The following DMD variants were observed in gnomAD, a reference collection of about 807,000 sequenced individuals.
DMD encodes the protein mutant dystrophin.
DMD carries 63 observed loss-of-function variants against 330.1 expected under a neutral mutation model. The observed-to-expected ratio is 0.19, with a 90% confidence interval of 0.16 to 0.24. The LOEUF (loss-of-function observed/expected upper bound fraction) is 0.24. DMD is among the 10% of genes least tolerant of loss of function. DMD has a pLI of 1.00. For synonymous variants in DMD, 1,223 were observed against 959.8 expected, an observed-to-expected ratio of 1.27 and a Z score of -5.07; for missense variants, 3,344 against 2,684.1, an observed-to-expected ratio of 1.25 and a Z score of -5.43.
At chrX:32,163,935 G>A (rs188639777) in intron 44 of DMD, among the ~76,000 whole-genome samples, 21 of 111,115 alleles carry the variant, frequency 1.9e-4, no homozygotes, top group African/African-American at 5.6e-4. Context: ...GCATATACAC[G>A]GCATTCCTCA....
chrX:31,861,736 T>TACACACACACACACACACAC (rs753295784), intron 48 of DMD, among the ~76,000 whole-genome samples: 3 of 76,879 alleles, frequency 3.9e-5, no homozygotes, highest in African/African-American at 1.5e-4. Context: ...AAGAGTGCTA[T>TACACACACACACACACACAC]ACACACACAC....
At chrX:32,529,889 A>G (rs1037846067) in intron 17 of DMD, among the ~76,000 whole-genome samples, 4 of 111,659 alleles carry the variant, frequency 3.6e-5, no homozygotes, top group African/African-American at 1.3e-4. Flanking sequence ...TAACATTCCT[A>G]TCAAAAATCT....
At chrX:31,798,956 C>T (rs1158960644) in intron 50 of DMD, among the ~76,000 whole-genome samples, 5 of 111,457 alleles carry the variant, frequency 4.5e-5, no homozygotes, top group Non-Finnish European at 7.5e-5. Context: ...TTTATTTCAT[C>T]TTTATTTCCA....
intron 21 of DMD, among the ~76,000 whole-genome samples, chrX:32,481,270 T>A (rs1468972769): frequency 6.3e-5 from 7 of 111,412 alleles, no homozygotes; most frequent in African/African-American, 2.3e-4. Flanking sequence ...GTTGAAATGA[T>A]TTTTCTTTAT....
intron 1 of DMD, among the ~76,000 whole-genome samples, chrX:33,088,809 A>C (rs1026918114): frequency 1.8e-5 from 2 of 112,277 alleles, no homozygotes; most frequent in African/African-American, 6.5e-5. Context: ...TTTTCAAAGA[A>C]ATATTTTGCT....
At chrX:32,811,285 G>A (rs995656419) in intron 6 of DMD, among the ~76,000 whole-genome samples, 2 of 110,265 alleles carry the variant, frequency 1.8e-5, no homozygotes, top group Admixed American at 1.9e-4. Context: ...GCTATAGTGA[G>A]CCATGATTGT....
At chrX:31,536,368 G>A (rs911457875) in intron 55 of DMD, among the ~76,000 whole-genome samples, 110 of 111,554 alleles carry the variant, frequency 9.9e-4, no homozygotes, top group African/African-American at 3.3e-3. Flanking sequence ...TGTTTAAACT[G>A]GGGAGGTGAG....
At chrX:33,131,738 C>G (rs2095500773) in intron 1 of DMD, among the ~76,000 whole-genome samples, 1 of 112,112 alleles carries the variant, frequency 8.9e-6, no homozygotes, top group Admixed American at 9.5e-5. Flanking sequence ...CTCACACCAC[C>G]ACATCCCCAG....
intron 51 of DMD, among the ~76,000 whole-genome samples, chrX:31,738,891 T>C (rs752873143): frequency 1.6e-4 from 18 of 111,915 alleles, no homozygotes; most frequent in African/African-American, 5.8e-4. Context: ...ATTGAACTCA[T>C]GGACATAGAG....
chrX:32,958,045 A>G (rs919987372), intron 2 of DMD, among the ~76,000 whole-genome samples: 23 of 112,060 alleles, frequency 2.1e-4, no homozygotes, highest in African/African-American at 6.8e-4. Flanking sequence ...TGGAACCATT[A>G]TATGTATATA....
At chrX:31,860,750 T>C (rs1451097700) in intron 48 of DMD, among the ~76,000 whole-genome samples, 1 of 112,639 alleles carries the variant, frequency 8.9e-6, no homozygotes, top group Non-Finnish European at 1.9e-5. Flanking sequence ...TAATGTATTT[T>C]GAAAGAATGG....
intron 44 of DMD, among the ~76,000 whole-genome samples, chrX:32,188,728 T>C (rs1476721679): frequency 9.1e-6 from 1 of 109,634 alleles, no homozygotes; most frequent in East Asian, 2.8e-4. Context: ...GTTTCCAATT[T>C]ATACACACAC....
intron 41 of DMD, among the ~76,000 whole-genome samples, chrX:32,312,416 T>C (rs773601526): frequency 7.2e-5 from 8 of 111,351 alleles, no homozygotes; most frequent in African/African-American, 2.6e-4. Context: ...TAAATTCATA[T>C]TGGTGCTTAA....
At chrX:32,385,879 A>T (rs2097954465) in intron 33 of DMD, among the ~76,000 whole-genome samples, 1 of 110,462 alleles carries the variant, frequency 9.1e-6, no homozygotes, top group South Asian at 3.8e-4. Context: ...TATGTTAACA[A>T]CATTAGACCT....
chrX:31,936,397 T>A (rs761913431), intron 45 of DMD, among the ~76,000 whole-genome samples: 22 of 111,819 alleles, frequency 2.0e-4, no homozygotes, highest in Non-Finnish European at 4.1e-4. Context: ...TTGAGCATTA[T>A]AATTGATATA....
chrX:31,350,673 C>T (rs1167525866), intron 60 of DMD, among the ~76,000 whole-genome samples: 1 of 103,509 alleles, frequency 9.7e-6, no homozygotes. Context: ...AGAAGAGAAG[C>T]GATGCGGAAC....
At chrX:32,673,412 A>C (rs2061756672) in intron 9 of DMD, among the ~76,000 whole-genome samples, 1 of 111,534 alleles carries the variant, frequency 9.0e-6, no homozygotes, top group Non-Finnish European at 1.9e-5. Context: ...ACCTCATGCT[A>C]ATGGTTACTT....
intron 7 of DMD, among the ~76,000 whole-genome samples, chrX:32,759,589 G>T (rs938506588): frequency 9.0e-6 from 1 of 111,147 alleles, no homozygotes; most frequent in African/African-American, 3.3e-5. Context: ...TGGCAATAAG[G>T]CTATCATATC....
rs768408578 is a variant in DMD, at chrX:32,556,016, C to T, written c.1992+9686G>A. ...ACTTCTGCACAGCAAAATAAACTAC[C>T]GTCAGAGTAAATAAACAGCCTACAG... On this transcript the variant is annotated intron_variant, in intron 16 of 78. Coordinates refer to ENST00000357033, the MANE Select transcript of DMD (RefSeq NM_004006.3). 6.6e-4 allele frequency among the ~76,000 whole-genome samples: 74 copies of T among 111,664 alleles called. 1 individual carries two copies. The highest frequency in any genetic ancestry group is 2.4e-3 in the African/African-American group (74 of 30,746).
Sources: allele counts gnomAD v4.1 joint callset (sites outside exome capture counted in the v4.1 genomes callset), GRCh38; gene constraint gnomAD v4.1.1; transcripts MANE v1.5; gene names NCBI Gene and HGNC (gene_info 2026-07-23, HGNC 2026-07-21).